The following TPO variants were observed in gnomAD, a reference collection of about 807,000 sequenced individuals.
The protein encoded by TPO is thyroid microsomal antigen.
Under a neutral mutation model 96.9 loss-of-function variants are expected in TPO, and 78 were observed. The observed-to-expected ratio is 0.81, with a 90% CI of 0.67 to 0.97. The LOEUF (loss-of-function observed/expected upper bound fraction) is 0.97, where lower values mean the gene tolerates loss of function less well. Among genes scored for constraint, TPO ranks in the 50% least tolerant of loss-of-function variants. The pLI, the probability that TPO is intolerant of heterozygous loss-of-function variation, is 0.00. For missense variants in TPO, 1,252 were observed against 1,274.8 expected (o/e 0.98, Z 0.27); for synonymous variants, 547 against 538.0 (o/e 1.02, Z -0.23).
intron 15 of TPO, among the ~76,000 whole-genome samples, chr2:1,527,002 C>A (rs1280539868): frequency 7.0e-6 from 1 of 143,818 alleles, no homozygotes; most frequent in African/African-American, 2.8e-5. Context: ...GCAACCTCCT[C>A]AAATCCCCCC....
intron 15 of TPO, among the ~76,000 whole-genome samples, chr2:1,518,254 G>A (rs929469075): frequency 6.6e-6 from 1 of 152,180 alleles, no homozygotes; most frequent in African/African-American, 2.4e-5. Flanking sequence ...AGTACACTGA[G>A]GAACATCTGC....
chr2:1,487,752 A>G, intron 9 of TPO, 69 bp from the exon 10 acceptor site: 1 of 1,582,896 alleles, frequency 6.3e-7, no homozygotes, highest in Non-Finnish European at 8.6e-7. Context: ...AAAAAAAAAA[A>G]TTGAGATATT....
At chr2:1,529,905 G>A (rs1677657282) in intron 15 of TPO, among the ~76,000 whole-genome samples, 1 of 102,206 alleles carries the variant, frequency 9.8e-6, no homozygotes, top group African/African-American at 4.4e-5. Flanking sequence ...CCCACTCTGT[G>A]CAAACTCCCC....
chr2:1,404,488 T>C (rs1662219034), intron 1 of TPO, among the ~76,000 whole-genome samples: 1 of 152,184 alleles, frequency 6.6e-6, no homozygotes, highest in African/African-American at 2.4e-5. Context: ...AAGAGGTAAT[T>C]AAGTTAAAGT....
upstream of TPO, among the ~76,000 whole-genome samples, chr2:1,412,252 T>C (rs979836213): frequency 6.6e-6 from 1 of 152,222 alleles, no homozygotes; most frequent in Non-Finnish European, 1.5e-5. Context: ...TTCACTTGCT[T>C]AGGCATCAAA....
intron 14 of TPO, among the ~76,000 whole-genome samples, chr2:1,509,947 C>T (rs1190256984): frequency 1.3e-5 from 2 of 151,942 alleles, no homozygotes; most frequent in Non-Finnish European, 2.9e-5. Flanking sequence ...CACCCCCCCT[C>T]TTCTTTCAGG....
intron 1 of TPO, among the ~76,000 whole-genome samples, chr2:1,395,696 A>G (rs1662068530): frequency 6.6e-6 from 1 of 152,042 alleles, no homozygotes; most frequent in African/African-American, 2.4e-5. Flanking sequence ...GAGGTAATTG[A>G]ATCATGGGGG....
chr2:1,458,934 G>C (rs976789456), intron 7 of TPO, among the ~76,000 whole-genome samples: 3 of 152,032 alleles, frequency 2.0e-5, no homozygotes, highest in African/African-American at 7.3e-5. Context: ...AGCACACTTG[G>C]CCCTCAATCT....
At chr2:1,475,645 G>T (rs578116948) in intron 7 of TPO, among the ~76,000 whole-genome samples, 3 of 152,236 alleles carry the variant, frequency 2.0e-5, no homozygotes, top group South Asian at 4.1e-4. Flanking sequence ...GGATGGTCTC[G>T]ATCTCCTGAC....
chr2:1,406,506 T>C (rs1662252765), intron 1 of TPO, among the ~76,000 whole-genome samples: 1 of 152,226 alleles, frequency 6.6e-6, no homozygotes, highest in South Asian at 2.1e-4. Context: ...GGACCTGCCA[T>C]GCCTGGCTTG....
At chr2:1,442,571 T>A (rs1179946303) in intron 5 of TPO, among the ~76,000 whole-genome samples, 1 of 152,242 alleles carries the variant, frequency 6.6e-6, no homozygotes, top group African/African-American at 2.4e-5. Context: ...TTTAGATTGA[T>A]ACATGTGATA....
chr2:1,524,887 G>GC lies in TPO; in HGVS notation c.2618+7908dup, dbSNP rs544541344. Among the ~76,000 whole-genome samples the GC allele has an allele frequency of 5.0e-3, 347 of 69,528 alleles. 12 individuals carry two copies. The highest frequency in any genetic ancestry group is 0.019 in the African/African-American group (325 of 16,746). The allele number at this position is 69,528 out of a possible 152,430, so 45.6% of individuals were successfully genotyped here. On this transcript the variant is annotated intron_variant, in intron 15 of 16. Transcript: ENST00000329066. ...CACTGTGATGTAACCTCCTCAAATT[G>GC]CCCGCACTGTACAACCTCCTCAAAT... is the stretch of plus-strand genomic sequence containing the variant.
In TPO at chr2:1,477,305, G is replaced by A. The variant is rs867643439; in HGVS notation, c.1039G>A (p.Glu347Lys). ...ERQLRNWTSA[E>K]GLLRVHARLR... ...GCAGCTGCGGAACTGGACCAGTGCCGAAGGGCTGCTCCGCGTCCACGCGCG... is the reference window on the plus strand; with the variant it reads ...GCAGCTGCGGAACTGGACCAGTGCCAAAGGGCTGCTCCGCGTCCACGCGCG... The change falls in exon 8 of 17, where the codon GAA (glutamate) becomes AAA (lysine). Residue 347 changes from glutamate (E) to lysine (K), a missense_variant. Glu to Lys is a moderately conservative substitution (Grantham distance 56). Coordinates refer to ENST00000329066, the MANE Select transcript of TPO (RefSeq NM_001206744.2). 6.3e-6 allele frequency: 10 copies of A among 1,583,496 alleles called. No individual in the cohort carries two copies. Among genetic ancestry groups the A allele is most frequent in the Non-Finnish European group, 8.6e-6 (10 of 1,166,082 alleles).
At chr2:1,398,261 G>A (rs949365830) in intron 1 of TPO, among the ~76,000 whole-genome samples, 3 of 152,164 alleles carry the variant, frequency 2.0e-5, no homozygotes, top group Admixed American at 2.0e-4. Flanking sequence ...ATGTGTGGTG[G>A]CCTCCCTGTA....
intron 5 of TPO, among the ~76,000 whole-genome samples, chr2:1,447,680 A>T (rs1040540600): frequency 6.6e-6 from 1 of 152,150 alleles, no homozygotes; most frequent in Non-Finnish European, 1.5e-5. Context: ...GTGTGTGTGT[A>T]TATATCTATA....
At chr2:1,391,006 T>C (rs1573055892) in intron 1 of TPO, among the ~76,000 whole-genome samples, 1 of 152,254 alleles carries the variant, frequency 6.6e-6, no homozygotes, top group Admixed American at 6.5e-5. Context: ...TGGTAGTTTC[T>C]TTTGCTGTGC....
intron 7 of TPO, among the ~76,000 whole-genome samples, chr2:1,460,765 T>C (rs1668353251): frequency 6.6e-6 from 1 of 152,022 alleles, no homozygotes; most frequent in African/African-American, 2.4e-5. Context: ...AGGGAGCACG[T>C]TGGGTAGGGA....
intron 13 of TPO, among the ~76,000 whole-genome samples, chr2:1,501,742 C>T (rs1558371905): frequency 6.6e-6 from 1 of 151,974 alleles, no homozygotes; most frequent in Non-Finnish European, 1.5e-5. Context: ...CAGGCATGGG[C>T]CCCCCAGGAC....
chr2:1,447,390 T>C (rs1666926280), intron 5 of TPO, among the ~76,000 whole-genome samples: 1 of 152,212 alleles, frequency 6.6e-6, no homozygotes, highest in Non-Finnish European at 1.5e-5. Context: ...AAGCCCCCGC[T>C]TCCAGATGTC....
Sources: allele counts gnomAD v4.1 joint callset (sites outside exome capture counted in the v4.1 genomes callset), GRCh38; gene constraint gnomAD v4.1.1; transcripts MANE v1.5; gene names NCBI Gene and HGNC (gene_info 2026-07-23, HGNC 2026-07-21).